ESCO1: variants seen among roughly 807,000 people sequenced by gnomAD.
ESCO1 encodes N-acetyltransferase ESCO1.
A neutral mutation model predicts 83.5 loss-of-function variants in ESCO1; 33 were observed. The observed-to-expected ratio is 0.40, with a 90% CI of 0.30 to 0.53. The LOEUF (loss-of-function observed/expected upper bound fraction) is 0.53. ESCO1 is among the 20% of genes least tolerant of loss of function. The pLI, the probability that ESCO1 is intolerant of heterozygous loss-of-function variation, is 0.63. For missense variants in ESCO1, 855 were observed against 968.0 expected (o/e 0.88, Z 1.55); for synonymous variants, 332 against 324.3 (o/e 1.02, Z -0.25).
intron 8 of ESCO1, among the ~76,000 whole-genome samples, chr18:21,542,656 A>G (rs1009340349): frequency 1.3e-5 from 2 of 152,212 alleles, no homozygotes; most frequent in Non-Finnish European, 2.9e-5. Flanking sequence ...CAAAACAGTC[A>G]ATCAATAAAT....
chr18:21,545,410 T>TA (rs2037960758), intron 8 of ESCO1, among the ~76,000 whole-genome samples: 1 of 150,490 alleles, frequency 6.6e-6, no homozygotes, highest in South Asian at 2.1e-4. Flanking sequence ...CCGTCTCTAC[T>TA]AAAAATACAA....
chr18:21,569,159 C>G (rs2038303755), intron 4 of ESCO1, among the ~76,000 whole-genome samples: 1 of 152,170 alleles, frequency 6.6e-6, no homozygotes, highest in African/African-American at 2.4e-5. Context: ...GTGTGCTTAT[C>G]ACTTTTTATT....
rs1018209721 is a variant in ESCO1 at position 21,573,593 on chromosome 18, T to C, written c.1251A>G (p.Leu417=). The stretch of plus-strand genomic sequence containing the variant: ...CTGGTGGTGAAAAACTGGTTCGTAA[T>C]AAGCCTAATTTAGGGGAAACTTGAG... ...LDSQVSPKLG[L]LRTSFSPPAL... The change falls in exon 4 of 12, where the codon TTA becomes TTG. Residue 417 remains leucine (L), a synonymous_variant. Coordinates refer to ENST00000269214, the MANE Select transcript of ESCO1 (RefSeq NM_052911.3). The C allele has an allele frequency of 6.2e-6, 10 of 1,614,180 alleles. No individual in the cohort carries two copies. Among genetic ancestry groups the C allele is most frequent in the Non-Finnish European group, 7.6e-6 (9 of 1,180,026 alleles).
intron 5 of ESCO1, among the ~76,000 whole-genome samples, chr18:21,566,579 G>A (rs934985202): frequency 6.6e-6 from 1 of 152,132 alleles, no homozygotes; most frequent in Non-Finnish European, 1.5e-5. Context: ...AATAAAAGAC[G>A]CCGGGCATGG....
chr18:21,530,528 T>G (rs773082189), intron 11 of ESCO1, 38 bp from the exon 12 acceptor site: 5 of 1,349,850 alleles, frequency 3.7e-6, no homozygotes, highest in South Asian at 1.3e-5. Context: ...GGGTTAAGTG[T>G]GAAATGTTAA....
Position 21,584,391 on chromosome 18 carries a change from C to T in ESCO1, c.-775G>A, listed in dbSNP as rs759735847. On this transcript the variant is annotated 5_prime_UTR_variant, in exon 2 of 12. Coordinates refer to ENST00000269214, the MANE Select transcript of ESCO1 (RefSeq NM_052911.3). ...GATGAATGATACTTCTTATCACTTC[C>T]TGTATGTTTAGTAATCTTTAAAAAA... 3 of 150,754 alleles carry T rather than the reference C, an allele frequency of 2.0e-5. No individual in the cohort carries two copies. Among genetic ancestry groups the T allele is most frequent in the Non-Finnish European group, 4.4e-5 (3 of 67,846 alleles). 9.3% of individuals were successfully genotyped at this position (150,754 alleles called of 1,614,324 possible). A position where few individuals can be genotyped will look rare whatever the true frequency, so the allele number is the denominator to read the frequency against.
chr18:21,593,613 G>GAGAGGGAGAGGA (rs2038717666), intron 1 of ESCO1: 1 of 151,154 alleles, frequency 6.6e-6, no homozygotes, highest in African/African-American at 2.4e-5. Flanking sequence ...GAGGGAGAGG[G>GAGAGGGAGAGGA]AGAGGGAGAG....
chr18:21,575,483 A>G (rs2038407512), intron 3 of ESCO1, 53 bp from the exon 4 acceptor site: 1 of 398,202 alleles, frequency 2.5e-6, no homozygotes, highest in Non-Finnish European at 4.4e-6. Context: ...GAAATATGTC[A>G]ATGCTAATAC....
At chr18:21,564,421 C>CAAAAAA in intron 6 of ESCO1, 104 bp from the exon 7 acceptor site, 1 of 785,458 alleles carries the variant, frequency 1.3e-6, no homozygotes, top group Non-Finnish European at 1.9e-6. Flanking sequence ...GACGAAGTCT[C>CAAAAAA]ACTCTGTCGC....
intron 6 of ESCO1, among the ~76,000 whole-genome samples, chr18:21,564,702 A>G (rs2146202091): frequency 6.6e-6 from 1 of 151,946 alleles, no homozygotes; most frequent in East Asian, 1.9e-4. Flanking sequence ...GGCAAAAATA[A>G]CTTATTTTCT....
chr18:21,560,974 C>T lies in ESCO1; in HGVS notation c.1838G>A (p.Arg613Lys), dbSNP rs1258351968. Residue 613 changes from arginine to lysine, a missense_variant, in exon 8 of 12, where the codon AGA (arginine) becomes AAA (lysine). Around this residue, in one of 2 missense-constraint regions of ESCO1, gnomAD observed 726 missense variants for 699.5 expected, o/e 1.04. Transcript: ENST00000269214. ...AACATTACAAGAAACTGCTCCAAAT[C>T]TTTTTTGTCCTGCATCCTATTTACA... ...KQLIIDAGQK[R>K]FGAVSCNVCG... is the part of the protein sequence containing the mutation. 1.9e-6 allele frequency: 3 copies of T among 1,589,308 alleles called. No individual in the cohort carries two copies. Among genetic ancestry groups the T allele is most frequent in the African/African-American group, 2.7e-5 (2 of 73,984 alleles).
In ESCO1 at chr18:21,574,049, C is replaced by T. The variant is rs199857399; in HGVS notation, c.795G>A (p.Ser265=). 43 of 1,612,636 alleles carry T rather than the reference C, an allele frequency of 2.7e-5. No individual in the cohort carries two copies. In the East Asian group the frequency reaches 7.4e-4, roughly 28 times the overall value. ...TGTTAGTATTCACTTGTGTATGAACCGACTTCTTCATCTCATTCTTTTTCG... is the reference window on the plus strand; with the variant it reads ...TGTTAGTATTCACTTGTGTATGAACTGACTTCTTCATCTCATTCTTTTTCG... ...VVPKKNEMKK[S]VHTQVNTNTT... Residue 265 remains serine (S), a synonymous_variant, in exon 4 of 12, where the codon TCG becomes TCA. Coordinates refer to ENST00000269214, the MANE Select transcript of ESCO1 (RefSeq NM_052911.3).
At chr18:21,589,233 C>T (rs1299301223) in intron 1 of ESCO1, among the ~76,000 whole-genome samples, 4 of 148,732 alleles carry the variant, frequency 2.7e-5, no homozygotes, top group South Asian at 4.2e-4. Context: ...AGCAAGACTC[C>T]GTCTCAAAAA....
intron 1 of ESCO1, among the ~76,000 whole-genome samples, chr18:21,599,739 G>A (rs2038814841): frequency 6.6e-6 from 1 of 152,034 alleles, no homozygotes; most frequent in Non-Finnish European, 1.5e-5. Context: ...TCCCCGCTGC[G>A]TCCCCATCGC....
intron 1 of ESCO1, among the ~76,000 whole-genome samples, chr18:21,589,311 T>C (rs1012753950): frequency 6.6e-6 from 1 of 152,102 alleles, no homozygotes; most frequent in Non-Finnish European, 1.5e-5. Context: ...ATGTAGCCAC[T>C]TTCCCCCTCC....
chr18:21,534,399 G>T (rs757226763), intron 10 of ESCO1, among the ~76,000 whole-genome samples: 3 of 152,190 alleles, frequency 2.0e-5, no homozygotes, highest in Non-Finnish European at 2.9e-5. Flanking sequence ...GAGTTCATGA[G>T]CAAGCACTTA....
intron 6 of ESCO1, 75 bp downstream of exon 6, chr18:21,566,071 T>G (rs2038255765): frequency 2.9e-6 from 4 of 1,383,652 alleles, no homozygotes; most frequent in Non-Finnish European, 4.1e-6. Flanking sequence ...AGCATAACTT[T>G]TTAGGGAAGA....
At chr18:21,551,112 C>CAAAAA (rs57346736) in intron 8 of ESCO1, among the ~76,000 whole-genome samples, 1 of 75,278 alleles carries the variant, frequency 1.3e-5, no homozygotes, top group African/African-American at 5.5e-5. Flanking sequence ...AACTCTGTCT[C>CAAAAA]AAAAAAAAAA....
intron 8 of ESCO1, among the ~76,000 whole-genome samples, chr18:21,551,569 A>G (rs1410814179): frequency 6.6e-6 from 1 of 152,276 alleles, no homozygotes; most frequent in Non-Finnish European, 1.5e-5. Context: ...TGAGTGAACA[A>G]GCAAGCCTGC....
Sources: allele counts gnomAD v4.1 joint callset (sites outside exome capture counted in the v4.1 genomes callset), GRCh38; gene constraint gnomAD v4.1.1; regional missense constraint gnomAD v4.1.1; transcripts MANE v1.5; gene names NCBI Gene and HGNC (gene_info 2026-07-23, HGNC 2026-07-21).